Variants in PTPRD observed in about 807,000 individuals in gnomAD.
The protein encoded by PTPRD is receptor-type tyrosine-protein phosphatase delta.
PTPRD carries 34 observed loss-of-function variants against 214.5 expected under a neutral mutation model. The observed-to-expected ratio is 0.16, with a 90% confidence interval of 0.12 to 0.21. The LOEUF (loss-of-function observed/expected upper bound fraction) is 0.21, where lower values mean the gene tolerates loss of function less well. PTPRD is among the 10% of genes least tolerant of loss of function. The pLI is 1.00. For synonymous variants in PTPRD, 1,128 were observed against 845.7 expected (o/e 1.33, Z -5.79); for missense variants, 2,545 against 2,398.7 (o/e 1.06, Z -1.27).
chr9:9,499,988 T>C (rs1400763261), intron 8 of PTPRD, among the ~76,000 whole-genome samples: 1 of 152,090 alleles, frequency 6.6e-6, no homozygotes, highest in Non-Finnish European at 1.5e-5. Context: ...TTAATAACAA[T>C]TCTTGGGCTG....
intron 8 of PTPRD, 130 bp from the exon 9 acceptor site, chr9:9,397,612 G>T (rs537101192): frequency 6.6e-6 from 1 of 152,074 alleles, no homozygotes; most frequent in African/African-American, 2.4e-5. Flanking sequence ...ATGAAGATAC[G>T]TTATCTGACC....
chr9:8,997,763 C>T (rs182252652), intron 11 of PTPRD, among the ~76,000 whole-genome samples: 1 of 152,178 alleles, frequency 6.6e-6, no homozygotes, highest in East Asian at 1.9e-4. Context: ...AAATCTAGGC[C>T]TCTTGTGCCA....
At chr9:10,398,011 T>G (rs2098203740) in intron 2 of PTPRD, among the ~76,000 whole-genome samples, 1 of 151,758 alleles carries the variant, frequency 6.6e-6, no homozygotes, top group Non-Finnish European at 1.5e-5. Flanking sequence ...CATCATCCAT[T>G]GTTCTACCAT....
chr9:8,444,499 GAC>G (rs1017801167), intron 34 of PTPRD, among the ~76,000 whole-genome samples: 2 of 151,870 alleles, frequency 1.3e-5, no homozygotes, highest in African/African-American at 4.8e-5. Context: ...TTGGAGTAAT[GAC>G]ACAAAATATT....
intron 5 of PTPRD, among the ~76,000 whole-genome samples, chr9:9,778,243 C>T (rs570025890): frequency 6.6e-6 from 1 of 152,214 alleles, no homozygotes. Context: ...TTCCCAGCCC[C>T]GAATGGCTCC....
At chr9:9,265,766 A>G (rs967818420) in intron 9 of PTPRD, among the ~76,000 whole-genome samples, 1 of 151,402 alleles carries the variant, frequency 6.6e-6, no homozygotes, top group African/African-American at 2.4e-5. Flanking sequence ...AAATTATCTA[A>G]TCAAAAGGAA....
At chr9:9,854,664 T>C (rs749009979) in intron 5 of PTPRD, among the ~76,000 whole-genome samples, 14 of 152,312 alleles carry the variant, frequency 9.2e-5, no homozygotes, top group East Asian at 1.9e-4. Flanking sequence ...TTGTTTTTGA[T>C]TACTTATCTA....
intron 3 of PTPRD, among the ~76,000 whole-genome samples, chr9:10,196,568 T>C (rs532695890): frequency 6.6e-6 from 1 of 152,254 alleles, no homozygotes; most frequent in East Asian, 1.9e-4. Context: ...TTCATTATAG[T>C]AAGGTGACAA....
chr9:9,486,778 A>C (rs2095656018), intron 8 of PTPRD, among the ~76,000 whole-genome samples: 1 of 152,192 alleles, frequency 6.6e-6, no homozygotes, highest in African/African-American at 2.4e-5. Flanking sequence ...AGCTCTCTTG[A>C]AATGTAGTAT....
chr9:9,108,598 T>C (rs1344570612), intron 10 of PTPRD, among the ~76,000 whole-genome samples: 1 of 152,188 alleles, frequency 6.6e-6, no homozygotes, highest in Non-Finnish European at 1.5e-5. Flanking sequence ...TTGGCTTTTA[T>C]GGTAACCGAA....
chr9:9,341,709 T>C (rs1413923264), intron 9 of PTPRD, among the ~76,000 whole-genome samples: 1 of 152,120 alleles, frequency 6.6e-6, no homozygotes, highest in African/African-American at 2.4e-5. Flanking sequence ...TATACCCCTT[T>C]CTGTATTAAA....
chr9:9,927,769 T>G (rs573763673), intron 5 of PTPRD, among the ~76,000 whole-genome samples: 1 of 152,310 alleles, frequency 6.6e-6, no homozygotes, highest in African/African-American at 2.4e-5. Flanking sequence ...TATTGCCTCT[T>G]TCTTTAGTCA....
At chr9:9,879,896 C>T (rs2068097062) in intron 5 of PTPRD, among the ~76,000 whole-genome samples, 1 of 152,074 alleles carries the variant, frequency 6.6e-6, no homozygotes, top group Non-Finnish European at 1.5e-5. Flanking sequence ...GTCAGTATTG[C>T]CAAGAAAATT....
At chr9:9,675,936 C>T (rs929977243) in intron 7 of PTPRD, among the ~76,000 whole-genome samples, 1 of 152,038 alleles carries the variant, frequency 6.6e-6, no homozygotes, top group African/African-American at 2.4e-5. Flanking sequence ...TATTAACCAA[C>T]TATACCCAAC....
chr9:8,480,487 G>T (rs2096858116), intron 30 of PTPRD, among the ~76,000 whole-genome samples: 1 of 152,104 alleles, frequency 6.6e-6, no homozygotes, highest in Non-Finnish European at 1.5e-5. Flanking sequence ...TAACTATGCT[G>T]TATGAGAACA....
chr9:9,796,697 G>C (rs958956428), intron 5 of PTPRD, among the ~76,000 whole-genome samples: 1 of 152,122 alleles, frequency 6.6e-6, no homozygotes, highest in African/African-American at 2.4e-5. Flanking sequence ...AGCTGAATTT[G>C]GAAGGTAAAG....
chr9:10,062,606 C>T (rs1214291787), intron 3 of PTPRD, among the ~76,000 whole-genome samples: 1 of 151,956 alleles, frequency 6.6e-6, no homozygotes, highest in East Asian at 1.9e-4. Flanking sequence ...AACTCAGTCT[C>T]AAGAAAATAA....
At chr9:8,526,113 A>G (rs1393390415) in intron 17 of PTPRD, among the ~76,000 whole-genome samples, 1 of 152,090 alleles carries the variant, frequency 6.6e-6, no homozygotes, top group Non-Finnish European at 1.5e-5. Flanking sequence ...AAACCTTTTG[A>G]AAGATAAAGA....
chr9:10,019,671 G>C (rs959353446), intron 4 of PTPRD, among the ~76,000 whole-genome samples: 1 of 151,712 alleles, frequency 6.6e-6, no homozygotes, highest in Admixed American at 6.6e-5. Context: ...GCAAACTATC[G>C]CAAGGACAAA....
Sources: allele counts gnomAD v4.1 joint callset (sites outside exome capture counted in the v4.1 genomes callset), GRCh38; gene constraint gnomAD v4.1.1; transcripts MANE v1.5; gene names NCBI Gene and HGNC (gene_info 2026-07-23, HGNC 2026-07-21).